The following SDK1 variants were observed in gnomAD, a reference collection of about 807,000 sequenced individuals.
SDK1 encodes sidekick cell adhesion molecule 1, also known as protein sidekick-1.
A neutral mutation model predicts 245.5 loss-of-function variants in SDK1; 157 were observed. The ratio of observed to expected loss-of-function variants is 0.64; its 90% CI spans 0.56 to 0.73. The LOEUF is 0.73. Among genes scored for constraint, SDK1 ranks in the 30% least tolerant of loss-of-function variants. The pLI, the probability that SDK1 is intolerant of heterozygous loss-of-function variation, is 0.00. For missense variants in SDK1, 3,583 were observed against 3,002.3 expected (o/e 1.19, Z -4.52); for synonymous variants, 1,647 against 1,278.5 (o/e 1.29, Z -6.15).
chr7:3,559,797 G>A (rs1010398873), intron 1 of SDK1, among the ~76,000 whole-genome samples: 3 of 150,120 alleles, frequency 2.0e-5, no homozygotes, highest in Non-Finnish European at 4.4e-5. Flanking sequence ...ACGGAAACAA[G>A]CACAGATGAA....
intron 5 of SDK1, among the ~76,000 whole-genome samples, chr7:3,940,482 C>G (rs1431442483): frequency 1.3e-5 from 2 of 152,198 alleles, no homozygotes; most frequent in African/African-American, 4.8e-5. Context: ...ATGGCATCTT[C>G]TTCTTCCTTC....
At chr7:3,643,518 T>A (rs1782720446) in intron 4 of SDK1, 1 of 142,402 alleles carries the variant, frequency 7.0e-6, no homozygotes, top group Non-Finnish European at 1.5e-5. Flanking sequence ...ATTCCTTCCG[T>A]AAACCTCGTG....
chr7:4,150,578 GT>G lies in SDK1; in HGVS notation c.4625+1116del, dbSNP rs141623984. On this transcript the variant is annotated intron_variant, in intron 30 of 44. Coordinates refer to ENST00000404826, the MANE Select transcript of SDK1 (RefSeq NM_152744.4). ...TGCTCATATCCCCCACCCAGCCTCC[GT>G]GGCGCCCAGCCATCCTCGTCTTCGA... Among the ~76,000 whole-genome samples the G allele has an allele frequency of 7.3e-3, 1,117 of 152,316 alleles. 2 individuals are homozygous for G. The highest frequency in any genetic ancestry group is 0.011 in the Non-Finnish European group (752 of 68,022).
rs1015336741 is a variant in SDK1, at chr7:3,727,786, C to T, written c.713+85681C>T. On this transcript the variant is annotated intron_variant, in intron 4 of 44. Coordinates refer to ENST00000404826, the MANE Select transcript of SDK1 (RefSeq NM_152744.4). ...GATTGCAGACATGAGCCACCGCGCC[C>T]GGCCGAGAAATTTTAAAATGAGTCA... Among the ~76,000 whole-genome samples the T allele has an allele frequency of 3.9e-5, 6 of 152,112 alleles. No homozygotes were observed. In the East Asian group the frequency reaches 5.8e-4, roughly 15 times the overall value.
At chr7:4,222,600 C>G (rs531988723) in intron 40 of SDK1, among the ~76,000 whole-genome samples, 26 of 152,310 alleles carry the variant, frequency 1.7e-4, no homozygotes, top group Admixed American at 1.3e-3. Flanking sequence ...CAGCCGCCTT[C>G]TAGAAACTTC....
chr7:3,600,464 T>A (rs1781217984), intron 1 of SDK1, among the ~76,000 whole-genome samples: 1 of 151,832 alleles, frequency 6.6e-6, no homozygotes, highest in Non-Finnish European at 1.5e-5. Flanking sequence ...TGAATAGGAG[T>A]GATGAGAGCA....
chr7:3,942,677 AGACCCCCTTACCTGCT>A (rs1780411817), intron 5 of SDK1, among the ~76,000 whole-genome samples: 1 of 152,234 alleles, frequency 6.6e-6, no homozygotes, highest in Admixed American at 6.5e-5. Flanking sequence ...ATGGTCCTGT[AGACCCCCTTACCTGCT>A]GGTTTTTTGG....
chr7:3,758,922 TA>T (rs1780016362), intron 4 of SDK1, among the ~76,000 whole-genome samples: 4 of 152,238 alleles, frequency 2.6e-5, no homozygotes, highest in Admixed American at 2.6e-4. Flanking sequence ...CGTGAGTTTC[TA>T]CAAGTATTTC....
In SDK1 at chr7:4,127,398, G is replaced by A; in HGVS notation, c.3841G>A (p.Glu1281Lys). ...CTTTGCAGTTCCTTCAGCCGCCCCT[G>A]AGAACGTGTCAGCCGAGGCTGTCAG... ...TRESVPSAAPENVSAEAVSST... is the reference protein window; with the variant it reads ...TRESVPSAAPKNVSAEAVSST... The change falls in exon 26 of 45, where the codon GAG becomes AAG. Residue 1281 changes from glutamate to lysine, a missense_variant. Physicochemically the swap from Glu to Lys is moderately conservative, Grantham distance 56 (BLOSUM62 1). Transcript: ENST00000404826. 6.2e-7 allele frequency: 1 copy of A among 1,614,160 alleles called. No individual in the cohort carries two copies. The highest frequency in any genetic ancestry group is 1.1e-5 in the South Asian group (1 of 91,068).
intron 1 of SDK1, among the ~76,000 whole-genome samples, chr7:3,375,484 T>G (rs1281688009): frequency 2.0e-5 from 3 of 152,288 alleles, no homozygotes; most frequent in East Asian, 3.9e-4. Flanking sequence ...TAGACTCTCC[T>G]TACATGTGTA....
chr7:4,162,289 A>G (rs532830024), intron 32 of SDK1, among the ~76,000 whole-genome samples: 95 of 152,264 alleles, frequency 6.2e-4, no homozygotes, highest in Non-Finnish European at 1.0e-3. Context: ...ATCTGCAACC[A>G]GACAAAATAT....
intron 19 of SDK1, among the ~76,000 whole-genome samples, chr7:4,052,213 G>A (rs1268242666): frequency 2.7e-5 from 2 of 74,820 alleles, no homozygotes; most frequent in African/African-American, 8.0e-5. Flanking sequence ...CCTGACCCTC[G>A]CTCCCAGGGT....
chr7:3,821,006 A>G (rs1779631354), intron 4 of SDK1, among the ~76,000 whole-genome samples: 1 of 150,984 alleles, frequency 6.6e-6, no homozygotes, highest in South Asian at 2.1e-4. Flanking sequence ...CCATACACAA[A>G]GCCTCTGATG....
intron 1 of SDK1, among the ~76,000 whole-genome samples, chr7:3,572,788 C>T (rs568886509): frequency 4.2e-4 from 64 of 152,038 alleles, no homozygotes; most frequent in Non-Finnish European, 6.5e-4. Context: ...CAGACAAGTG[C>T]GTGGGCTAAA....
chr7:4,115,164 C>T (rs1203246751), intron 25 of SDK1, among the ~76,000 whole-genome samples: 1 of 152,186 alleles, frequency 6.6e-6, no homozygotes, highest in Non-Finnish European at 1.5e-5. Flanking sequence ...TCACCTGACC[C>T]CGGTCCCTTC....
intron 2 of SDK1, among the ~76,000 whole-genome samples, chr7:3,622,273 T>A (rs941522069): frequency 6.6e-6 from 1 of 151,870 alleles, no homozygotes; most frequent in Non-Finnish European, 1.5e-5. Flanking sequence ...AGGTCAGGAG[T>A]TCGACACCAC....
At chr7:3,542,020 AT>A (rs1779066992) in intron 1 of SDK1, among the ~76,000 whole-genome samples, 1 of 152,226 alleles carries the variant, frequency 6.6e-6, no homozygotes, top group Non-Finnish European at 1.5e-5. Context: ...AAACCTGCAC[AT>A]TGTGCACATG....
intron 35 of SDK1, among the ~76,000 whole-genome samples, chr7:4,199,007 G>T (rs1024915130): frequency 6.6e-6 from 1 of 151,996 alleles, no homozygotes; most frequent in Non-Finnish European, 1.5e-5. Flanking sequence ...AGAGACGGGG[G>T]TTTCACCATG....
intron 1 of SDK1, among the ~76,000 whole-genome samples, chr7:3,479,917 A>C (rs1315404718): frequency 6.6e-6 from 1 of 151,580 alleles, no homozygotes; most frequent in Non-Finnish European, 1.5e-5. Flanking sequence ...ATTTTCTCCT[A>C]GTTCTTTCAA....
Sources: gnomAD v4.1 joint callset for allele counts (sites outside exome capture counted in the v4.1 genomes callset) on GRCh38, gnomAD v4.1.1 for gene constraint, MANE v1.5 for transcripts, NCBI Gene and HGNC (gene_info 2026-07-23, HGNC 2026-07-21) for gene names.